SEMA6D: variants seen among roughly 807,000 people sequenced by gnomAD.
SEMA6D encodes semaphorin-6D.
A neutral mutation model predicts 106.6 loss-of-function variants in SEMA6D; 35 were observed. The observed-to-expected ratio is 0.33, with a 90% CI of 0.25 to 0.44. The LOEUF is 0.44. SEMA6D is among the 20% of genes least tolerant of loss of function. SEMA6D has a pLI of 1.00. For synonymous variants in SEMA6D, 499 were observed against 487.7 expected, an observed-to-expected ratio of 1.02 and a Z score of -0.31; for missense variants, 1,185 against 1,345.9, an observed-to-expected ratio of 0.88 and a Z score of 1.87.
chr15:47,369,404 A>T (rs1446953925), intron 1 of SEMA6D, among the ~76,000 whole-genome samples: 2 of 152,328 alleles, frequency 1.3e-5, no homozygotes, highest in Admixed American at 6.5e-5. Flanking sequence ...ATATATTTTT[A>T]AAAATCTTAG....
intron 4 of SEMA6D, among the ~76,000 whole-genome samples, chr15:47,641,966 G>A (rs774385128): frequency 7.2e-5 from 11 of 152,070 alleles, no homozygotes; most frequent in South Asian, 2.1e-4. Flanking sequence ...TTGCCTTGTC[G>A]GCCTCCCCTG....
At chr15:47,487,786 G>A (rs554575344) in intron 3 of SEMA6D, among the ~76,000 whole-genome samples, 1 of 152,328 alleles carries the variant, frequency 6.6e-6, no homozygotes, top group South Asian at 2.1e-4. Flanking sequence ...ACACATGCAA[G>A]TATTTCCCTG....
chr15:47,238,031 A>G (rs955227268), intron 1 of SEMA6D, among the ~76,000 whole-genome samples: 1 of 151,934 alleles, frequency 6.6e-6, no homozygotes, highest in Non-Finnish European at 1.5e-5. Context: ...GTGCGCATTT[A>G]TTGATAATGA....
At chr15:47,541,991 TA>T (rs978328860) in intron 3 of SEMA6D, among the ~76,000 whole-genome samples, 1 of 152,070 alleles carries the variant, frequency 6.6e-6, no homozygotes, top group African/African-American at 2.4e-5. Context: ...CACATTTCCT[TA>T]AAAAAACTGT....
intron 4 of SEMA6D, among the ~76,000 whole-genome samples, chr15:47,645,001 A>G (rs751789433): frequency 6.6e-6 from 1 of 152,186 alleles, no homozygotes; most frequent in Non-Finnish European, 1.5e-5. Flanking sequence ...TGTGTCTCTA[A>G]AAGGGCACAC....
intron 3 of SEMA6D, among the ~76,000 whole-genome samples, chr15:47,531,005 C>T (rs1466592831): frequency 6.6e-6 from 1 of 152,078 alleles, no homozygotes; most frequent in Admixed American, 6.5e-5. Flanking sequence ...ATAATTACTT[C>T]ACTATATATG....
intron 1 of SEMA6D, among the ~76,000 whole-genome samples, chr15:47,270,963 T>C (rs1460065972): frequency 6.6e-6 from 1 of 152,042 alleles, no homozygotes; most frequent in Non-Finnish European, 1.5e-5. Flanking sequence ...AATATAGATA[T>C]AACAAAGTAA....
At chr15:47,558,100 C>G (rs575111831) in intron 3 of SEMA6D, among the ~76,000 whole-genome samples, 1 of 152,174 alleles carries the variant, frequency 6.6e-6, no homozygotes, top group South Asian at 2.1e-4. Context: ...CTTCACTGGA[C>G]CTCAATGATC....
At chr15:47,695,822 A>G (rs565583105) in intron 4 of SEMA6D, among the ~76,000 whole-genome samples, 1 of 152,308 alleles carries the variant, frequency 6.6e-6, no homozygotes, top group African/African-American at 2.4e-5. Flanking sequence ...GGAGCATGTA[A>G]TGAGTTATTG....
At chr15:47,207,079 T>TG (rs1213918354) in intron 1 of SEMA6D, among the ~76,000 whole-genome samples, 1 of 152,172 alleles carries the variant, frequency 6.6e-6, no homozygotes, top group African/African-American at 2.4e-5. Context: ...TAGCCTGTGG[T>TG]GGGCAATTAG....
At chr15:47,435,903 G>A (rs1243734337) in intron 2 of SEMA6D, among the ~76,000 whole-genome samples, 1 of 151,938 alleles carries the variant, frequency 6.6e-6, no homozygotes, top group East Asian at 1.9e-4. Context: ...GGTTTAGTAG[G>A]GGCGATATGG....
intron 4 of SEMA6D, among the ~76,000 whole-genome samples, chr15:47,656,545 T>C (rs891074587): frequency 1.3e-5 from 2 of 152,226 alleles, no homozygotes; most frequent in African/African-American, 4.8e-5. Context: ...ACTCTATTTG[T>C]ATTTAACAAT....
chr15:47,600,253 C>T (rs2076621299), intron 3 of SEMA6D, among the ~76,000 whole-genome samples: 1 of 152,016 alleles, frequency 6.6e-6, no homozygotes, highest in Admixed American at 6.6e-5. Context: ...AGATTCTTTG[C>T]CTTATATTAT....
At chr15:47,457,088 G>A (rs1264988618) in intron 2 of SEMA6D, among the ~76,000 whole-genome samples, 1 of 151,886 alleles carries the variant, frequency 6.6e-6, no homozygotes, top group African/African-American at 2.4e-5. Context: ...ATTATACAGG[G>A]CACTGGCAAT....
chr15:47,481,143 G>A (rs541395039), intron 3 of SEMA6D, among the ~76,000 whole-genome samples: 1 of 152,242 alleles, frequency 6.6e-6, no homozygotes, highest in East Asian at 1.9e-4. Flanking sequence ...CTCTGTAAGG[G>A]CTCAGATCCA....
intron 3 of SEMA6D, among the ~76,000 whole-genome samples, chr15:47,564,476 T>A (rs528339253): frequency 6.6e-6 from 1 of 152,246 alleles, no homozygotes; most frequent in Non-Finnish European, 1.5e-5. Context: ...GAATTTTTTT[T>A]ATAACTTGTT....
chr15:47,687,903 TA>T lies in SEMA6D; in HGVS notation c.-54-71837del, dbSNP rs371854561. Among the ~76,000 whole-genome samples, 149 of 152,200 alleles carry T rather than the reference TA, an allele frequency of 9.8e-4. 2 individuals are homozygous for T. Among genetic ancestry groups the T allele is most frequent in the African/African-American group, 3.3e-3 (139 of 41,522 alleles). On this transcript the variant is annotated intron_variant, in intron 4 of 19. Coordinates refer to the SEMA6D transcript ENST00000558014. Reference sequence around the variant, plus strand: ...TGAAAATATTGGAGGAACAGCAGTTTAAAAAGAGAAAATAAGGGCTAAAATT... The same window carrying T: ...TGAAAATATTGGAGGAACAGCAGTTTAAAAGAGAAAATAAGGGCTAAAATT...
At chr15:47,543,802 T>C (rs1422118780) in intron 3 of SEMA6D, among the ~76,000 whole-genome samples, 1 of 152,108 alleles carries the variant, frequency 6.6e-6, no homozygotes, top group Non-Finnish European at 1.5e-5. Context: ...GATGGTAACC[T>C]GCTAAATTGA....
At chr15:47,506,691 C>A (rs2044054506) in intron 3 of SEMA6D, among the ~76,000 whole-genome samples, 1 of 151,714 alleles carries the variant, frequency 6.6e-6, no homozygotes, top group African/African-American at 2.4e-5. Context: ...AAAGGCAGTG[C>A]AGTGGAGGGA....
Sources: gnomAD v4.1 joint callset for allele counts (sites outside exome capture counted in the v4.1 genomes callset) on GRCh38, gnomAD v4.1.1 for gene constraint, MANE v1.5 for transcripts, NCBI Gene and HGNC (gene_info 2026-07-23, HGNC 2026-07-21) for gene names.